EED: variants seen among roughly 807,000 people sequenced by gnomAD.
The protein encoded by EED is embryonic ectoderm development.
EED carries 9 observed loss-of-function variants against 61.0 expected under a neutral mutation model. That is an observed-to-expected ratio of 0.15 (90% CI 0.09 to 0.26). EED has a LOEUF of 0.26. Among genes scored for constraint, EED ranks in the 10% least tolerant of loss-of-function variants. The probability of loss-of-function intolerance (pLI) is 1.00; values close to 1 mark genes in which losing one functional copy is unlikely to be tolerated. For missense variants in EED, 315 were observed against 542.3 expected (o/e 0.58, Z 4.16); for synonymous variants, 187 against 174.4 (o/e 1.07, Z -0.57).
rs1285646463 is a variant in EED at position 86,244,782 on chromosome 11, G to A, written c.-448G>A. ...CACAGACTTTCGCTCCCTAGCAGCG[G>A]GTCGGAGATCGAAGGAACGGGCCAA... On this transcript the variant is annotated 5_prime_UTR_variant, in exon 1 of 12. Transcript: ENST00000263360. 1.3e-5 allele frequency: 3 copies of A among 234,290 alleles called. No homozygotes were observed. The South Asian group carries it at 4.4e-4, about 35-fold the overall frequency. The allele number at this position is 234,290 out of a possible 1,614,324, so 14.5% of individuals were successfully genotyped here.
intron 7 of EED, chr11:86,264,532 C>G: frequency 3.5e-6 from 1 of 287,408 alleles, no homozygotes; most frequent in Non-Finnish European, 6.4e-6. Flanking sequence ...TCCTTTTAAT[C>G]TAAAATCACT....
intron 3 of EED, among the ~76,000 whole-genome samples, chr11:86,253,401 A>G (rs1945585319): frequency 6.6e-6 from 1 of 152,192 alleles, no homozygotes; most frequent in Admixed American, 6.5e-5. Context: ...TTTAGCTTTG[A>G]TAGTATTATA....
At chr11:86,282,554 C>T (rs1013388876), downstream of EED, among the ~76,000 whole-genome samples, 21 of 152,170 alleles carry the variant, frequency 1.4e-4, no homozygotes, top group African/African-American at 4.6e-4. Flanking sequence ...GTGTAACTCT[C>T]AGGCTCATTT....
At chr11:86,263,338 C>A (rs1197598887) in intron 6 of EED, among the ~76,000 whole-genome samples, 2 of 152,202 alleles carry the variant, frequency 1.3e-5, no homozygotes, top group African/African-American at 4.8e-5. Flanking sequence ...TAGGCTTTTT[C>A]TAGCCTGCTC....
Position 86,245,175 on chromosome 11 carries a change from G to C in EED, c.-55G>C, listed in dbSNP as rs547717613. 4 of 1,452,468 alleles carry C rather than the reference G, an allele frequency of 2.8e-6. No homozygotes were observed. Among genetic ancestry groups the C allele is most frequent in the East Asian group, 4.8e-5 (2 of 41,340 alleles). The allele number at this position is 1,452,468 out of a possible 1,614,324, so 90.0% of individuals were successfully genotyped here. On this transcript the variant is annotated 5_prime_UTR_variant, in exon 1 of 12. Coordinates refer to ENST00000263360, the MANE Select transcript of EED (RefSeq NM_003797.5). ...GCTCGGGCCGGGCTTGCTTGACGGC[G>C]GTGTGGCGGAGGCCCCGCCCCAGGC...
chr11:86,249,444 G>A (rs902643698), intron 1 of EED, among the ~76,000 whole-genome samples: 3 of 150,530 alleles, frequency 2.0e-5, no homozygotes, highest in Non-Finnish European at 4.4e-5. Flanking sequence ...TAAGATCCTA[G>A]ATTAAATAAA....
intron 6 of EED, 95 bp from the exon 7 acceptor site, chr11:86,264,077 C>T: frequency 5.3e-6 from 5 of 941,976 alleles, no homozygotes; most frequent in Non-Finnish European, 3.3e-6. Context: ...CTGTGCATAA[C>T]TTACATCTAG....
intron 4 of EED, among the ~76,000 whole-genome samples, chr11:86,255,596 C>G (rs1312082010): frequency 6.6e-6 from 1 of 151,966 alleles, no homozygotes; most frequent in Admixed American, 6.6e-5. Context: ...TTAGCAAAGA[C>G]TGATTAAAAC....
intron 6 of EED, among the ~76,000 whole-genome samples, chr11:86,261,305 C>G (rs1945820744): frequency 6.6e-6 from 1 of 152,202 alleles, no homozygotes; most frequent in Non-Finnish European, 1.5e-5. Context: ...ACAGAACAAA[C>G]AAGATTAAAT....
chr11:86,249,500 G>C (rs1473441530), intron 1 of EED, among the ~76,000 whole-genome samples: 1 of 152,064 alleles, frequency 6.6e-6, no homozygotes, highest in Non-Finnish European at 1.5e-5. Context: ...TCAGGAGGTA[G>C]TGGAATCCTC....
chr11:86,260,543 A>G (rs1945801345), intron 6 of EED, among the ~76,000 whole-genome samples: 2 of 149,758 alleles, frequency 1.3e-5, no homozygotes, highest in Non-Finnish European at 3.0e-5. Flanking sequence ...ATTAATGTTT[A>G]ATATAACATT....
At position 86,245,325 on chromosome 11, in the gene EED, C is replaced by A; in HGVS notation, c.96C>A (p.Asp32Glu). The A allele has an allele frequency of 1.2e-6, 2 of 1,612,458 alleles. No individual in the cohort carries two copies. The highest frequency in any genetic ancestry group is 1.7e-6 in the Non-Finnish European group (2 of 1,179,204). The change falls in exon 1 of 12, where the codon GAC becomes GAA. Residue 32 changes from aspartate to glutamate, a missense_variant. Asp to Glu is a conservative substitution (Grantham distance 45, BLOSUM62 2). Transcript: ENST00000263360. Reference sequence around the variant, plus strand: ...GCAGTGACGAGAACAGCAATCCAGACCTCTCTGGAGACGAGAATGTAAGTG... The same window carrying A: ...GCAGTGACGAGAACAGCAATCCAGAACTCTCTGGAGACGAGAATGTAAGTG... The part of the protein sequence containing the change: ...KLSSDENSNP[D>E]LSGDENDDAV...
chr11:86,257,629 A>G (rs765290295), intron 6 of EED, 33 bp downstream of exon 6: 20 of 1,556,740 alleles, frequency 1.3e-5, no homozygotes, highest in Non-Finnish European at 1.5e-5. Flanking sequence ...GAGTCTGTGC[A>G]ATTTGTCAGA....
At chr11:86,247,017 A>C (rs575939719) in intron 1 of EED, among the ~76,000 whole-genome samples, 7 of 152,388 alleles carry the variant, frequency 4.6e-5, no homozygotes, top group Admixed American at 2.0e-4. Flanking sequence ...TTATGATTAC[A>C]TAGAATAATG....
intron 4 of EED, among the ~76,000 whole-genome samples, chr11:86,255,993 C>T (rs544729896): frequency 2.0e-5 from 3 of 152,210 alleles, no homozygotes; most frequent in African/African-American, 7.2e-5. Flanking sequence ...CTGAATTGTT[C>T]TTTTTTAGAT....
chr11:86,286,958 C>T, the EED span, among the ~76,000 whole-genome samples: 2 of 111,806 alleles, frequency 1.8e-5, no homozygotes, highest in African/African-American at 3.5e-5. Flanking sequence ...GGCGAAAGAG[C>T]GAGACTCCGT....
chr11:86,269,435 G>C (rs1197262585), intron 9 of EED, among the ~76,000 whole-genome samples: 2 of 152,168 alleles, frequency 1.3e-5, no homozygotes, highest in Non-Finnish European at 2.9e-5. Context: ...TGGTGAAATT[G>C]CTGTCCGGTT....
chr11:86,277,944 C>T lies in EED; in HGVS notation c.1152C>T (p.Gly384=). Residue 384 remains glycine (G), a synonymous_variant, in exon 11 of 12, where the codon GGC becomes GGT. Transcript: ENST00000263360. Reference sequence around the variant, plus strand: ...TGCTTGCATTGGGCAATCAAGTTGGCAAACTTTATGTTTGGGATTTAGAAG... The same window carrying T: ...TGCTTGCATTGGGCAATCAAGTTGGTAAACTTTATGTTTGGGATTTAGAAG... The part of the protein sequence containing the change: ...QKMLALGNQV[G]KLYVWDLEVE... 1 of 1,545,320 alleles carries T rather than the reference C, an allele frequency of 6.5e-7. No individual in the cohort carries two copies. The highest frequency in any genetic ancestry group is 1.4e-5 in the African/African-American group (1 of 70,168).
chr11:86,270,342 G>C (rs558087919), intron 9 of EED, among the ~76,000 whole-genome samples: 1 of 118,504 alleles, frequency 8.4e-6, no homozygotes, highest in African/African-American at 3.3e-5. Context: ...TAATTGGATT[G>C]GTTTTTTGTT....
Sources: gnomAD v4.1 joint callset for allele counts (sites outside exome capture counted in the v4.1 genomes callset) on GRCh38, gnomAD v4.1.1 for gene constraint, MANE v1.5 for transcripts, NCBI Gene and HGNC (gene_info 2026-07-23, HGNC 2026-07-21) for gene names.